Variants in PCDHGA9 observed in about 807,000 individuals in gnomAD.
PCDHGA9 encodes the protein protocadherin gamma subfamily A, 9.
A neutral mutation model predicts 62.5 loss-of-function variants in PCDHGA9; 37 were observed. The ratio of observed to expected loss-of-function variants is 0.59; its 90% CI spans 0.46 to 0.78. The LOEUF is 0.78. PCDHGA9 is among the 30% of genes least tolerant of loss of function. PCDHGA9 has a pLI of 0.00. For synonymous variants in PCDHGA9, 459 were observed against 484.6 expected (o/e 0.95, Z 0.69); for missense variants, 1,138 against 1,166.2 (o/e 0.98, Z 0.35).
chr5:141,476,979 G>A lies in PCDHGA9; in HGVS notation c.2425-17828G>A, dbSNP rs772801536. On this transcript the variant is annotated intron_variant, in intron 1 of 3. Coordinates refer to ENST00000573521, the MANE Select transcript of PCDHGA9 (RefSeq NM_018921.3). The surrounding 1 kb of genome is among the most constrained non-coding windows in gnomAD (Gnocchi z 7.6). ...ATTTACTCCTTCGGCAGCCACAACC[G>A]CGCCGGCGTGCGGCAACTATTCGCC... The A allele has an allele frequency of 1.9e-6, 3 of 1,614,238 alleles. No homozygotes were observed. The South Asian group carries it at 3.3e-5, about 18-fold the overall frequency.
At chr5:141,480,722 C>T (rs1002559431) in intron 1 of PCDHGA9, among the ~76,000 whole-genome samples, 1 of 152,174 alleles carries the variant, frequency 6.6e-6, no homozygotes, top group African/African-American at 2.4e-5. Flanking sequence ...AAAGCACAGT[C>T]TCTGGGGGTG....
Position 141,437,685 on chromosome 5 carries a change from G to A in PCDHGA9, c.2424+32309G>A, listed in dbSNP as rs116699614. ...GAAGAGATGTTGATCAAACTGATGA[G>A]GCTAAATCTCAAGAAAGAGACACAG... On this transcript the variant is annotated intron_variant, in intron 1 of 3. Coordinates refer to ENST00000573521, the MANE Select transcript of PCDHGA9 (RefSeq NM_018921.3). Among the ~76,000 whole-genome samples the A allele has an allele frequency of 1.0e-2, 1,519 of 151,976 alleles. 34 individuals carry two copies. The highest frequency in any genetic ancestry group is 0.034 in the African/African-American group (1,425 of 41,440).
Position 141,405,162 on chromosome 5 carries a change from C to T in PCDHGA9, c.2210C>T (p.Thr737Ile). The T allele has an allele frequency of 6.2e-7, 1 of 1,614,098 alleles. No individual in the cohort carries two copies. The highest frequency in any genetic ancestry group is 8.5e-7 in the Non-Finnish European group (1 of 1,179,980). Residue 737 changes from threonine to isoleucine, a missense_variant, in exon 1 of 4, where the codon ACC (threonine) becomes ATC (isoleucine). Coordinates refer to ENST00000573521, the MANE Select transcript of PCDHGA9 (RefSeq NM_018921.3). The part of the protein sequence containing the change: ...ATSDGLAGVP[T>I]SHFVGVDGVR... ...AGTGATGGGTTGGCTGGTGTGCCCA[C>T]CTCACACTTTGTGGGTGTAGATGGG... is the stretch of plus-strand genomic sequence containing the variant.
At chr5:141,405,476 G>A (rs1214119236) in intron 1 of PCDHGA9, 100 bp downstream of exon 1, 1 of 1,048,044 alleles carries the variant, frequency 9.5e-7, no homozygotes, top group Non-Finnish European at 1.4e-6. Flanking sequence ...CTGGAATGCA[G>A]TGGTGTGATC....
chr5:141,422,165 A>G (rs771382434), intron 1 of PCDHGA9: 3 of 1,569,306 alleles, frequency 1.9e-6, no homozygotes, highest in Admixed American at 4.0e-5. Flanking sequence ...TTTGAAAAAT[A>G]TAGATTCTAT....
chr5:141,422,734 T>A, intron 1 of PCDHGA9: 2 of 1,608,114 alleles, frequency 1.2e-6, no homozygotes, highest in Non-Finnish European at 1.7e-6. Context: ...GGTGCCTCTG[T>A]CCTCCTATGT....
chr5:141,491,685 G>A lies in PCDHGA9; in HGVS notation c.2425-3122G>A. 1 of 1,613,164 alleles carries A rather than the reference G, an allele frequency of 6.2e-7. No individual in the cohort carries two copies. The highest frequency in any genetic ancestry group is 8.5e-7 in the Non-Finnish European group (1 of 1,179,646). On this transcript the variant is annotated intron_variant, in intron 1 of 3. Transcript: ENST00000573521. The surrounding 1 kb of genome is among the most constrained non-coding windows in gnomAD (Gnocchi z 6.9). ...CCATCCGGTCCCGCTCTAATACGCTGCGGGAGCGGAGCCAGGTGAGGGGCT... is the reference window on the plus strand; with the variant it reads ...CCATCCGGTCCCGCTCTAATACGCTACGGGAGCGGAGCCAGGTGAGGGGCT...
At position 141,505,489 on chromosome 5, in the gene PCDHGA9, G is replaced by A. The variant is rs759637750; in HGVS notation, c.2572+8G>A. On this transcript the variant is annotated splice_region_variant and intron_variant, in intron 3 of 3. Coordinates refer to ENST00000573521, the MANE Select transcript of PCDHGA9 (RefSeq NM_018921.3). ...TCTTGGCGTCCGCCAGTGGTAAGTG[G>A]TGTCAGTGTGTGTATGGAAGAGTGG... The A allele has an allele frequency of 6.2e-7, 1 of 1,614,218 alleles. No homozygotes were observed. The highest frequency in any genetic ancestry group is 1.7e-5 in the Admixed American group (1 of 60,032).
chr5:141,421,614 T>C (rs552534116), intron 1 of PCDHGA9: 3 of 1,613,810 alleles, frequency 1.9e-6, no homozygotes, highest in South Asian at 2.2e-5. Flanking sequence ...ATATTAATGA[T>C]AACGCCCCCA....
chr5:141,476,061 C>T lies in PCDHGA9; in HGVS notation c.2425-18746C>T. On this transcript the variant is annotated intron_variant, in intron 1 of 3. Coordinates refer to ENST00000573521, the MANE Select transcript of PCDHGA9 (RefSeq NM_018921.3). The surrounding 1 kb of genome is among the most constrained non-coding windows in gnomAD (Gnocchi z 7.6). Reference sequence around the variant, plus strand: ...AAGCGCTAACCCGCTGAAAGTTTCTCAGCGAAATCTCAGGGACGATCTGGA... The same window carrying T: ...AAGCGCTAACCCGCTGAAAGTTTCTTAGCGAAATCTCAGGGACGATCTGGA... The T allele has an allele frequency of 6.6e-7, 1 of 1,508,880 alleles. No homozygotes were observed. Among genetic ancestry groups the T allele is most frequent in the Non-Finnish European group, 8.8e-7 (1 of 1,136,354 alleles). 93.5% of individuals were successfully genotyped at this position (1,508,880 alleles called of 1,614,324 possible).
chr5:141,423,594 C>A, intron 1 of PCDHGA9: 1 of 1,599,308 alleles, frequency 6.3e-7, no homozygotes, highest in South Asian at 1.1e-5. Context: ...GTGAGAAAAG[C>A]GAGCCACTCT....
At chr5:141,433,691 G>A (rs2097644575) in intron 1 of PCDHGA9, among the ~76,000 whole-genome samples, 1 of 152,044 alleles carries the variant, frequency 6.6e-6, no homozygotes, top group Non-Finnish European at 1.5e-5. Flanking sequence ...TACAAAATTA[G>A]CCGGGCGTGG....
intron 1 of PCDHGA9, among the ~76,000 whole-genome samples, chr5:141,435,232 G>A (rs1317217213): frequency 6.6e-6 from 1 of 152,062 alleles, no homozygotes; most frequent in Non-Finnish European, 1.5e-5. Context: ...TCAAAGTTCA[G>A]TAATTCTTTC....
intron 2 of PCDHGA9, among the ~76,000 whole-genome samples, chr5:141,497,980 G>A (rs983045402): frequency 2.0e-5 from 3 of 152,168 alleles, no homozygotes; most frequent in African/African-American, 7.2e-5. Context: ...GATGTGGGAG[G>A]CCCCTGCCCT....
rs769351399 is a variant in PCDHGA9, at chr5:141,432,649, A to G, written c.2424+27273A>G. The G allele has an allele frequency of 6.2e-7, 1 of 1,613,742 alleles. No homozygotes were observed. The highest frequency in any genetic ancestry group is 1.1e-5 in the South Asian group (1 of 91,054). ...ACACGGGCGAGGTGCGCACGGCGCG[A>G]GCCCTGCTGGACAGAGACGCGCTCA... is the stretch of plus-strand genomic sequence containing the variant. On this transcript the variant is annotated intron_variant, in intron 1 of 3. Coordinates refer to ENST00000573521, the MANE Select transcript of PCDHGA9 (RefSeq NM_018921.3). The surrounding 1 kb of genome is among the most constrained non-coding windows in gnomAD (Gnocchi z 6.0).
At chr5:141,426,657 A>G (rs1369635444) in intron 1 of PCDHGA9, 2 of 425,278 alleles carry the variant, frequency 4.7e-6, no homozygotes, top group Non-Finnish European at 9.7e-6. Flanking sequence ...GATAGAAGAT[A>G]TAAATGATAA....
rs756915110 is a variant in PCDHGA9, at chr5:141,490,431, T to C, written c.2425-4376T>C. 6 of 1,614,036 alleles carry C rather than the reference T, an allele frequency of 3.7e-6. No individual in the cohort carries two copies. In the South Asian group the frequency reaches 6.6e-5, roughly 18 times the overall value. ...TCTCTCCGGACCTGCCATTTCAGATTAAGCCTTCTGAGAACCACTACTCGC... is the reference window on the plus strand; with the variant it reads ...TCTCTCCGGACCTGCCATTTCAGATCAAGCCTTCTGAGAACCACTACTCGC... On this transcript the variant is annotated intron_variant, in intron 1 of 3. Transcript: ENST00000573521. The surrounding 1 kb of genome is among the most constrained non-coding windows in gnomAD (Gnocchi z 5.4).
intron 1 of PCDHGA9, among the ~76,000 whole-genome samples, chr5:141,484,389 G>A (rs1336850919): frequency 6.6e-6 from 1 of 152,140 alleles, no homozygotes; most frequent in Non-Finnish European, 1.5e-5. Flanking sequence ...GAATAAGAAA[G>A]GTTTGGTTTC....
At chr5:141,475,813 T>C in intron 1 of PCDHGA9, 1 of 334,788 alleles carries the variant, frequency 3.0e-6, no homozygotes, top group East Asian at 5.5e-5. Flanking sequence ...GAAAGTGAAG[T>C]TCCTGGCGCT....
Sources: allele counts gnomAD v4.1 joint callset (sites outside exome capture counted in the v4.1 genomes callset), GRCh38; gene constraint gnomAD v4.1.1; non-coding constraint Gnocchi (gnomAD v3.1); transcripts MANE v1.5; gene names NCBI Gene and HGNC (gene_info 2026-07-23, HGNC 2026-07-21).